Variants in DRC11 observed in about 807,000 individuals in gnomAD.
DRC11 encodes the protein IQ and AAA domain-containing protein 1.
At chr2:236,307,454 A>C in the DRC11 span, among the ~76,000 whole-genome samples, 1 of 152,200 alleles carries the variant, frequency 6.6e-6, no homozygotes, top group African/African-American at 2.4e-5. This position sits in a 1 kb window ranked among gnomAD's most constrained non-coding sequence, Gnocchi z 7.0. Context: ...TCCCTTTAAC[A>C]TGCTATTTGT....
the DRC11 span, among the ~76,000 whole-genome samples, chr2:236,407,550 T>C: frequency 6.6e-6 from 1 of 152,144 alleles, no homozygotes; most frequent in Admixed American, 6.6e-5. Flanking sequence ...TCTTTCTCTA[T>C]ATAAATATAA....
the DRC11 span, among the ~76,000 whole-genome samples, chr2:236,345,306 A>G: frequency 6.6e-6 from 1 of 152,162 alleles, no homozygotes; most frequent in Admixed American, 6.5e-5. Context: ...TCACAGCAGG[A>G]CAAGTCCCCA....
chr2:236,498,424 C>T, the DRC11 span, among the ~76,000 whole-genome samples: 62 of 151,490 alleles, frequency 4.1e-4, 1 homozygote, highest in South Asian at 4.0e-3. Flanking sequence ...GAAATCATGC[C>T]GCTGCATTCT....
At chr2:236,397,579 A>C in the DRC11 span, among the ~76,000 whole-genome samples, 1 of 152,254 alleles carries the variant, frequency 6.6e-6, no homozygotes, top group African/African-American at 2.4e-5. This position sits in a 1 kb window ranked among gnomAD's most constrained non-coding sequence, Gnocchi z 5.0. Flanking sequence ...TTAGTAAGTT[A>C]CCTGGCATGT....
the DRC11 span, among the ~76,000 whole-genome samples, chr2:236,501,078 G>A: frequency 4.6e-5 from 7 of 152,162 alleles, no homozygotes; most frequent in South Asian, 2.1e-4. Context: ...CAGCATCTGC[G>A]TCTGGGGTGG....
At chr2:236,324,985 T>G in the DRC11 span, among the ~76,000 whole-genome samples, 1 of 152,206 alleles carries the variant, frequency 6.6e-6, no homozygotes, top group South Asian at 2.1e-4. The surrounding 1 kb of genome is among the most constrained non-coding windows in gnomAD (Gnocchi z 5.7). Flanking sequence ...CAACCTGTAT[T>G]TCTGCATGAT....
At chr2:236,344,609 A>G in the DRC11 span, 3 of 1,613,696 alleles carry the variant, frequency 1.9e-6, no homozygotes, top group East Asian at 2.2e-5. Context: ...TGTGTCTTCA[A>G]TCCACACCAC....
the DRC11 span, among the ~76,000 whole-genome samples, chr2:236,345,548 C>T: frequency 6.6e-6 from 1 of 152,126 alleles, no homozygotes; most frequent in African/African-American, 2.4e-5. Flanking sequence ...GCACTCGGGC[C>T]CCCACGAGGC....
the DRC11 span, among the ~76,000 whole-genome samples, chr2:236,333,852 T>C: frequency 6.6e-6 from 1 of 152,178 alleles, no homozygotes; most frequent in Non-Finnish European, 1.5e-5. This position sits in a 1 kb window ranked among gnomAD's most constrained non-coding sequence, Gnocchi z 6.0. Context: ...AAGGGTGAAC[T>C]GTACCGTGGG....
the DRC11 span, among the ~76,000 whole-genome samples, chr2:236,484,188 C>T: frequency 6.6e-6 from 1 of 152,086 alleles, no homozygotes. Flanking sequence ...AAAAGAATCC[C>T]GATTTTTGTC....
the DRC11 span, among the ~76,000 whole-genome samples, chr2:236,430,198 A>AACACACACACAC: frequency 6.7e-6 from 1 of 149,108 alleles, no homozygotes; most frequent in East Asian, 2.0e-4. The surrounding 1 kb of genome is among the most constrained non-coding windows in gnomAD (Gnocchi z 6.0). Flanking sequence ...ATATACATAT[A>AACACACACACAC]ACACACACAC....
the DRC11 span, among the ~76,000 whole-genome samples, chr2:236,339,063 G>C: frequency 6.6e-6 from 1 of 152,146 alleles, no homozygotes; most frequent in Non-Finnish European, 1.5e-5. Flanking sequence ...AGAGGAAGCC[G>C]GGGAAGGAGA....
At chr2:236,503,065 G>C in the DRC11 span, among the ~76,000 whole-genome samples, 7,077 of 152,292 alleles carry the variant, frequency 0.046, 540 homozygotes, top group African/African-American at 0.16. The surrounding 1 kb of genome is among the most constrained non-coding windows in gnomAD (Gnocchi z 4.9). Flanking sequence ...AATAAATCTA[G>C]TAATAACTTT....
At chr2:236,365,693 G>C in the DRC11 span, among the ~76,000 whole-genome samples, 1 of 152,082 alleles carries the variant, frequency 6.6e-6, no homozygotes, top group Non-Finnish European at 1.5e-5. This position sits in a 1 kb window ranked among gnomAD's most constrained non-coding sequence, Gnocchi z 7.4. Context: ...GCCTTCCAGA[G>C]AAAGGGGGTG....
At chr2:236,447,876 C>G in the DRC11 span, among the ~76,000 whole-genome samples, 1 of 126,522 alleles carries the variant, frequency 7.9e-6, no homozygotes, top group African/African-American at 3.0e-5. The surrounding 1 kb of genome is among the most constrained non-coding windows in gnomAD (Gnocchi z 4.6). Context: ...CAAATGAAAG[C>G]TGGCCAGGGG....
chr2:236,497,422 T>G, the DRC11 span: 11 of 1,613,734 alleles, frequency 6.8e-6, no homozygotes, highest in Middle Eastern at 1.6e-4. The surrounding 1 kb of genome is among the most constrained non-coding windows in gnomAD (Gnocchi z 5.1). Flanking sequence ...AATCATCTTC[T>G]GAGGCTCTTT....
At chr2:236,492,719 T>C in the DRC11 span, among the ~76,000 whole-genome samples, 14 of 152,318 alleles carry the variant, frequency 9.2e-5, no homozygotes, top group Non-Finnish European at 1.9e-4. Context: ...AGAAGGTAGA[T>C]AGGGCAGTGC....
At chr2:236,417,653 T>C in the DRC11 span, among the ~76,000 whole-genome samples, 1 of 152,074 alleles carries the variant, frequency 6.6e-6, no homozygotes, top group Admixed American at 6.6e-5. Context: ...GGTGGTTTAC[T>C]GCACCTATCA....
the DRC11 span, among the ~76,000 whole-genome samples, chr2:236,308,901 AAAC>A: frequency 6.6e-6 from 1 of 152,234 alleles, no homozygotes. This position sits in a 1 kb window ranked among gnomAD's most constrained non-coding sequence, Gnocchi z 6.0. Flanking sequence ...TAAAGCAATG[AAAC>A]AACAACAAGA....
Sources: allele counts gnomAD v4.1 joint callset (sites outside exome capture counted in the v4.1 genomes callset), GRCh38; gene constraint gnomAD v4.1.1; non-coding constraint Gnocchi (gnomAD v3.1); transcripts MANE v1.5; gene names NCBI Gene and HGNC (gene_info 2026-07-23, HGNC 2026-07-21).